Variants in ELOVL5 observed in about 807,000 individuals in gnomAD.
ELOVL5 encodes the protein very long chain fatty acid elongase 5.
A neutral mutation model predicts 38.6 loss-of-function variants in ELOVL5; 8 were observed. The observed-to-expected ratio is 0.21, with a 90% CI of 0.12 to 0.37. ELOVL5 has a LOEUF of 0.37. Among genes scored for constraint, ELOVL5 ranks in the 10% least tolerant of loss-of-function variants. The probability of loss-of-function intolerance (pLI) is 1.00; values close to 1 mark genes in which losing one functional copy is unlikely to be tolerated. For missense variants in ELOVL5, 280 were observed against 367.8 expected (o/e 0.76, Z 1.95); for synonymous variants, 127 against 133.7 (o/e 0.95, Z 0.34).
intron 1 of ELOVL5, among the ~76,000 whole-genome samples, chr6:53,338,606 G>A (rs144242066): frequency 2.7e-4 from 41 of 152,278 alleles, no homozygotes; most frequent in Admixed American, 1.2e-3. Flanking sequence ...TACTACACAC[G>A]CCTCTAATGG....
intron 2 of ELOVL5, chr6:53,294,436 C>T (rs1240404597): frequency 9.7e-6 from 15 of 1,550,610 alleles, no homozygotes; most frequent in Non-Finnish European, 1.3e-5. Context: ...GCTGCTGTAG[C>T]CATCCTACAA....
intron 3 of ELOVL5, among the ~76,000 whole-genome samples, chr6:53,289,068 A>T (rs1480985943): frequency 6.6e-6 from 1 of 152,014 alleles, no homozygotes; most frequent in African/African-American, 2.4e-5. Flanking sequence ...AAACAAAAAA[A>T]CCCCGCTTCT....
rs115862263 is a variant in ELOVL5 at position 53,315,079 on chromosome 6, G to T, written c.-8-19372C>A. Among the ~76,000 whole-genome samples the T allele has an allele frequency of 4.3e-3, 661 of 152,354 alleles. 8 individuals carry two copies. The highest frequency in any genetic ancestry group is 0.015 in the African/African-American group (638 of 41,584). The stretch of plus-strand genomic sequence containing the variant: ...ATAAAGAAAATAGCACATGCTGCTA[G>T]ATTAAACAACATTTACTTCTCAGGG... On this transcript the variant is annotated intron_variant, in intron 1 of 7. Coordinates refer to ENST00000304434, the MANE Select transcript of ELOVL5 (RefSeq NM_021814.5).
intron 1 of ELOVL5, among the ~76,000 whole-genome samples, chr6:53,310,711 G>T (rs1767795375): frequency 6.6e-6 from 1 of 152,120 alleles, no homozygotes; most frequent in African/African-American, 2.4e-5. Context: ...AAAGTGCTAG[G>T]ATTACGGGAG....
At chr6:53,320,399 C>T (rs190416818) in intron 1 of ELOVL5, among the ~76,000 whole-genome samples, 22 of 151,904 alleles carry the variant, frequency 1.4e-4, no homozygotes, top group African/African-American at 1.7e-4. Flanking sequence ...TGCAGTGGCG[C>T]GATCTCGGCT....
chr6:53,330,511 T>C (rs1233373088), intron 1 of ELOVL5, among the ~76,000 whole-genome samples: 1 of 134,932 alleles, frequency 7.4e-6, no homozygotes, highest in African/African-American at 2.6e-5. Flanking sequence ...TTTTTTTCTT[T>C]ATAAACTTTT....
chr6:53,274,993 T>C (rs775035951), intron 5 of ELOVL5, 97 bp downstream of exon 5: 11 of 1,207,308 alleles, frequency 9.1e-6, no homozygotes, highest in Non-Finnish European at 1.3e-5. Flanking sequence ...AAGCCTGACC[T>C]AGACATTTAC....
At chr6:53,331,085 T>C (rs1768781602) in intron 1 of ELOVL5, among the ~76,000 whole-genome samples, 1 of 152,182 alleles carries the variant, frequency 6.6e-6, no homozygotes, top group African/African-American at 2.4e-5. Flanking sequence ...ATACCAACAT[T>C]TTGGGAGACC....
At chr6:53,329,554 T>C (rs2127590886) in intron 1 of ELOVL5, among the ~76,000 whole-genome samples, 1 of 152,304 alleles carries the variant, frequency 6.6e-6, no homozygotes, top group East Asian at 1.9e-4. Flanking sequence ...TCAGGTGCAG[T>C]GGTTCATGCC....
intron 6 of ELOVL5, 87 bp downstream of exon 6, chr6:53,273,133 T>C (rs1765985171): frequency 7.1e-7 from 1 of 1,407,096 alleles, no homozygotes; most frequent in Admixed American, 2.0e-5. Context: ...AAGGGGCATC[T>C]TAGATGCTAT....
chr6:53,320,447 C>G (rs1353409333), intron 1 of ELOVL5, among the ~76,000 whole-genome samples: 14 of 152,062 alleles, frequency 9.2e-5, no homozygotes, highest in Non-Finnish European at 2.1e-4. Context: ...TGCCATTCTC[C>G]TGCCTCAGCC....
At chr6:53,331,964 G>A (rs1357733837) in intron 1 of ELOVL5, among the ~76,000 whole-genome samples, 2 of 152,340 alleles carry the variant, frequency 1.3e-5, no homozygotes, top group South Asian at 2.1e-4. Flanking sequence ...GGGACCAAGA[G>A]TGTCACATGG....
At position 53,268,660 on chromosome 6, in the gene ELOVL5, A is replaced by T. The variant is rs1009395756; in HGVS notation, c.*467T>A. ...TATTACAAATTAATACAAACTTGAA[A>T]CATACCCTAATTTAAACTAATAAGC... On this transcript the variant is annotated 3_prime_UTR_variant, in exon 8 of 8. Transcript: ENST00000304434. 2 of 152,794 alleles carry T rather than the reference A, an allele frequency of 1.3e-5. No homozygotes were observed. Among genetic ancestry groups the T allele is most frequent in the African/African-American group, 4.8e-5 (2 of 41,460 alleles). 9.5% of individuals were successfully genotyped at this position (152,794 alleles called of 1,614,324 possible). A position where few individuals can be genotyped will look rare whatever the true frequency, so the allele number is the denominator to read the frequency against.
At chr6:53,279,319 T>A (rs1417532397) in intron 3 of ELOVL5, among the ~76,000 whole-genome samples, 2 of 152,212 alleles carry the variant, frequency 1.3e-5, no homozygotes, top group African/African-American at 4.8e-5. Flanking sequence ...CAAAATCCTA[T>A]CTATCCTTCA....
chr6:53,347,756 T>C (rs1769624149), intron 1 of ELOVL5, among the ~76,000 whole-genome samples: 1 of 148,856 alleles, frequency 6.7e-6, no homozygotes, highest in South Asian at 2.3e-4. Flanking sequence ...CCACTTTGCA[T>C]AACTGGCCAA....
At chr6:53,276,815 AG>A (rs955184693) in intron 3 of ELOVL5, among the ~76,000 whole-genome samples, 7 of 152,200 alleles carry the variant, frequency 4.6e-5, no homozygotes, top group African/African-American at 1.7e-4. Context: ...CTGTAGGCTC[AG>A]GGATAATTTA....
At chr6:53,292,214 TC>T (rs1470939891) in intron 2 of ELOVL5, among the ~76,000 whole-genome samples, 1 of 152,194 alleles carries the variant, frequency 6.6e-6, no homozygotes, top group Non-Finnish European at 1.5e-5. Flanking sequence ...AAATATTCTT[TC>T]CAAAGAACTT....
intron 2 of ELOVL5, among the ~76,000 whole-genome samples, chr6:53,293,548 C>T (rs1032461710): frequency 2.0e-5 from 3 of 152,132 alleles, no homozygotes; most frequent in Admixed American, 6.5e-5. Flanking sequence ...GAACTCCTGA[C>T]CTCAGGGGAC....
intron 1 of ELOVL5, among the ~76,000 whole-genome samples, chr6:53,343,483 G>GA (rs1261776287): frequency 6.6e-6 from 1 of 152,114 alleles, no homozygotes; most frequent in Non-Finnish European, 1.5e-5. Context: ...AAAGTGCTGG[G>GA]ATTACAGGTG....
Sources: allele counts gnomAD v4.1 joint callset (sites outside exome capture counted in the v4.1 genomes callset), GRCh38; gene constraint gnomAD v4.1.1; transcripts MANE v1.5; gene names NCBI Gene and HGNC (gene_info 2026-07-23, HGNC 2026-07-21).